RANBP2: variants seen among roughly 807,000 people sequenced by gnomAD.
RANBP2 encodes RAN binding protein 2.
RANBP2 carries 57 observed loss-of-function variants against 303.6 expected under a neutral mutation model. That is an observed-to-expected ratio of 0.19 (90% CI 0.15 to 0.23). The LOEUF is 0.23. RANBP2 is among the 10% of genes least tolerant of loss of function. The pLI is 1.00. For missense variants in RANBP2, 3,138 were observed against 3,780.8 expected, an observed-to-expected ratio of 0.83 and a Z score of 4.46; for synonymous variants, 1,167 against 1,301.5, an observed-to-expected ratio of 0.90 and a Z score of 2.23.
At chr2:109,178,594 G>A in the RANBP2 span, among the ~76,000 whole-genome samples, 1 of 152,152 alleles carries the variant, frequency 6.6e-6, no homozygotes, top group Non-Finnish European at 1.5e-5. Flanking sequence ...TTATTTTTCA[G>A]AACCAAAAGA....
chr2:109,450,024 C>A, the RANBP2 span, among the ~76,000 whole-genome samples: 1 of 152,112 alleles, frequency 6.6e-6, no homozygotes, highest in Non-Finnish European at 1.5e-5. Context: ...TTTAGCTATT[C>A]TTTTAGCCAT....
the RANBP2 span, among the ~76,000 whole-genome samples, chr2:109,711,942 G>A: frequency 4.9e-4 from 75 of 152,212 alleles, no homozygotes; most frequent in East Asian, 9.7e-3. Context: ...CTCACCACTA[G>A]GCCATGTTCC....
At chr2:109,135,228 C>T in the RANBP2 span, among the ~76,000 whole-genome samples, 2 of 152,190 alleles carry the variant, frequency 1.3e-5, no homozygotes, top group Non-Finnish European at 2.9e-5. Context: ...CCCCTGGGGA[C>T]AGTGTTGCCT....
chr2:109,302,595 T>C, the RANBP2 span, among the ~76,000 whole-genome samples: 1 of 152,178 alleles, frequency 6.6e-6, no homozygotes, highest in Admixed American at 6.5e-5. Flanking sequence ...ATTTTGACAG[T>C]GCTAAATTTC....
the RANBP2 span, among the ~76,000 whole-genome samples, chr2:109,703,720 C>T: frequency 1.6e-4 from 25 of 152,230 alleles, no homozygotes; most frequent in Non-Finnish European, 2.4e-4. Flanking sequence ...TGAGCCACCA[C>T]GCCCTGCCTA....
chr2:108,981,343 C>T, the RANBP2 span, among the ~76,000 whole-genome samples: 7 of 152,220 alleles, frequency 4.6e-5, no homozygotes, highest in African/African-American at 1.7e-4. Flanking sequence ...CCACCAGGAC[C>T]AGTCCACCCC....
the RANBP2 span, among the ~76,000 whole-genome samples, chr2:108,844,501 T>C: frequency 6.6e-6 from 1 of 152,212 alleles, no homozygotes; most frequent in East Asian, 1.9e-4. Context: ...TTAGAATCTT[T>C]GTCAGACAAT....
chr2:109,539,214 C>T, the RANBP2 span, among the ~76,000 whole-genome samples: 1 of 152,112 alleles, frequency 6.6e-6, no homozygotes, highest in Non-Finnish European at 1.5e-5. Context: ...AGAAGAATCG[C>T]TTGAACCCAG....
chr2:108,736,297 T>A (rs1194280278), intron 6 of RANBP2, 48 bp downstream of exon 6: 1 of 1,610,196 alleles, frequency 6.2e-7, no homozygotes, highest in Admixed American at 1.7e-5. Flanking sequence ...GCAGTTTTTC[T>A]TTTTGCAGTA....
the RANBP2 span, among the ~76,000 whole-genome samples, chr2:109,491,640 C>G: frequency 6.6e-6 from 1 of 152,114 alleles, no homozygotes; most frequent in Non-Finnish European, 1.5e-5. Context: ...TGGCTTGGAT[C>G]CCCCTGTGTG....
the RANBP2 span, chr2:109,313,554 A>G: frequency 1.3e-5 from 2 of 154,902 alleles, no homozygotes; most frequent in Admixed American, 6.5e-5. Context: ...TGAGGAAGAC[A>G]TTGAGGCCCA....
the RANBP2 span, among the ~76,000 whole-genome samples, chr2:109,689,432 C>T: frequency 6.6e-6 from 1 of 151,984 alleles, no homozygotes; most frequent in African/African-American, 2.4e-5. Context: ...TTTTTCAAAT[C>T]CATTGAGGAC....
chr2:108,783,523 T>A (rs1678405772), intron 28 of RANBP2, 73 bp from the exon 29 acceptor site: 2 of 1,160,726 alleles, frequency 1.7e-6, no homozygotes, highest in South Asian at 1.4e-5. Flanking sequence ...CTGTGTGTAT[T>A]TTAATATTTT....
the RANBP2 span, among the ~76,000 whole-genome samples, chr2:109,167,520 AT>A: frequency 1.3e-5 from 2 of 152,132 alleles, no homozygotes; most frequent in African/African-American, 2.4e-5. Context: ...TTCCCCAGTC[AT>A]CCCCCATTGG....
At chr2:108,774,211 A>G (rs1573838311) in intron 23 of RANBP2, among the ~76,000 whole-genome samples, 2 of 152,214 alleles carry the variant, frequency 1.3e-5, no homozygotes, top group South Asian at 4.1e-4. Context: ...ATGTGGTTGC[A>G]TTCAATTTGC....
At chr2:108,950,553 A>T in the RANBP2 span, among the ~76,000 whole-genome samples, 2 of 152,348 alleles carry the variant, frequency 1.3e-5, no homozygotes, top group South Asian at 4.1e-4. Flanking sequence ...TCATATTCTG[A>T]CATGATGTAG....
chr2:109,208,575 G>C, the RANBP2 span, among the ~76,000 whole-genome samples: 1 of 152,210 alleles, frequency 6.6e-6, no homozygotes, highest in Non-Finnish European at 1.5e-5. Context: ...CAGCAGAGCT[G>C]TTCCCACCAA....
chr2:109,230,039 T>C, the RANBP2 span, among the ~76,000 whole-genome samples: 1 of 151,936 alleles, frequency 6.6e-6, no homozygotes, highest in East Asian at 1.9e-4. Flanking sequence ...TTAGCCAGGA[T>C]GGTCTCGATC....
the RANBP2 span, among the ~76,000 whole-genome samples, chr2:109,466,805 G>C: frequency 5.3e-5 from 8 of 151,980 alleles, no homozygotes; most frequent in African/African-American, 1.5e-4. Context: ...ATCTATATGT[G>C]TGTATGTCTA....
Sources: allele counts gnomAD v4.1 joint callset (sites outside exome capture counted in the v4.1 genomes callset), GRCh38; gene constraint gnomAD v4.1.1; transcripts MANE v1.5; gene names NCBI Gene and HGNC (gene_info 2026-07-23, HGNC 2026-07-21).